Variants in PRKAR2B observed in about 807,000 individuals in gnomAD.
The protein encoded by PRKAR2B is cAMP-dependent protein kinase type II-beta regulatory subunit.
Under a neutral mutation model 49.9 loss-of-function variants are expected in PRKAR2B, and 14 were observed. That is an observed-to-expected ratio of 0.28 (90% CI 0.19 to 0.44). The LOEUF is 0.44. Among genes scored for constraint, PRKAR2B ranks in the 20% least tolerant of loss-of-function variants. The pLI, the probability that PRKAR2B is intolerant of heterozygous loss-of-function variation, is 1.00. For missense variants in PRKAR2B, 393 were observed against 537.9 expected (o/e 0.73, Z 2.67); for synonymous variants, 196 against 197.7 (o/e 0.99, Z 0.07).
chr7:107,132,383 A>T (rs1795619038), intron 4 of PRKAR2B, among the ~76,000 whole-genome samples: 1 of 152,210 alleles, frequency 6.6e-6, no homozygotes, highest in Admixed American at 6.5e-5. Flanking sequence ...CAGAGAATGT[A>T]ACTATCAGAT....
intron 8 of PRKAR2B, among the ~76,000 whole-genome samples, chr7:107,153,743 G>T (rs913378915): frequency 2.2e-4 from 33 of 152,268 alleles, no homozygotes; most frequent in African/African-American, 7.5e-4. Flanking sequence ...ATCCCAGCTG[G>T]AACCAATAAT....
intron 1 of PRKAR2B, among the ~76,000 whole-genome samples, chr7:107,059,938 C>T (rs1242440014): frequency 4.0e-5 from 6 of 151,876 alleles, no homozygotes; most frequent in Non-Finnish European, 7.4e-5. Context: ...TATGATATTG[C>T]GACAGATTGA....
chr7:107,095,155 A>G (rs1298414539), intron 2 of PRKAR2B, among the ~76,000 whole-genome samples: 1 of 152,102 alleles, frequency 6.6e-6, no homozygotes, highest in African/African-American at 2.4e-5. Flanking sequence ...ATGTTCTTCC[A>G]TTTGCTTGTG....
chr7:107,062,213 T>C (rs1243656753), intron 1 of PRKAR2B, among the ~76,000 whole-genome samples: 1 of 152,208 alleles, frequency 6.6e-6, no homozygotes, highest in Non-Finnish European at 1.5e-5. Context: ...AAAATGGTTG[T>C]AAACATATGC....
intron 4 of PRKAR2B, among the ~76,000 whole-genome samples, chr7:107,131,281 G>A (rs1795600516): frequency 6.6e-6 from 1 of 152,148 alleles, no homozygotes; most frequent in Non-Finnish European, 1.5e-5. Context: ...GCTTTCCTGG[G>A]ATGTTGTCTC....
intron 7 of PRKAR2B, among the ~76,000 whole-genome samples, chr7:107,151,474 A>G (rs916456969): frequency 6.6e-6 from 1 of 152,214 alleles, no homozygotes; most frequent in South Asian, 2.1e-4. Context: ...TTTTCAGGAT[A>G]CACTTATTCA....
At chr7:107,056,642 G>T (rs1793918232) in intron 1 of PRKAR2B, among the ~76,000 whole-genome samples, 1 of 152,166 alleles carries the variant, frequency 6.6e-6, no homozygotes. Context: ...AAGAATGCTT[G>T]TGATTTTTTC....
At chr7:107,067,717 A>G (rs1198354377) in intron 1 of PRKAR2B, among the ~76,000 whole-genome samples, 1 of 152,210 alleles carries the variant, frequency 6.6e-6, no homozygotes, top group Non-Finnish European at 1.5e-5. Flanking sequence ...GCATTGTACT[A>G]GGAATCCAAA....
chr7:107,122,105 A>T, intron 3 of PRKAR2B, 101 bp downstream of exon 3: 1 of 676,872 alleles, frequency 1.5e-6, no homozygotes, highest in Non-Finnish European at 2.4e-6. Context: ...GGTTAACAGG[A>T]GACATAATGG....
intron 2 of PRKAR2B, among the ~76,000 whole-genome samples, chr7:107,080,216 T>G (rs950626782): frequency 2.6e-5 from 4 of 151,966 alleles, no homozygotes; most frequent in Non-Finnish European, 5.9e-5. Flanking sequence ...GATGCCAGTG[T>G]GGGGAGCCAC....
At chr7:107,096,394 T>C (rs983503305) in intron 2 of PRKAR2B, among the ~76,000 whole-genome samples, 7 of 152,154 alleles carry the variant, frequency 4.6e-5, no homozygotes, top group African/African-American at 9.7e-5. Flanking sequence ...TCTTCTCTCT[T>C]TTATTCTTTG....
Position 107,044,854 on chromosome 7 carries a change from G to T in PRKAR2B, c.-54G>T, listed in dbSNP as rs1793656610. 2 of 1,494,992 alleles carry T rather than the reference G, an allele frequency of 1.3e-6. No homozygotes were observed. Among genetic ancestry groups the T allele is most frequent in the South Asian group, 1.3e-5 (1 of 79,226 alleles). 92.6% of individuals were successfully genotyped at this position (1,494,992 alleles called of 1,614,324 possible). On this transcript the variant is annotated 5_prime_UTR_variant, in exon 1 of 11. Transcript: ENST00000265717. ...CTCGGCAGCCGCGGGGCCCTAGGCC[G>T]TGCCGGGGAGGGGGCGAGGGCGGCG...
intron 5 of PRKAR2B, among the ~76,000 whole-genome samples, chr7:107,145,069 A>G (rs1795865898): frequency 6.6e-6 from 1 of 152,142 alleles, no homozygotes; most frequent in African/African-American, 2.4e-5. Context: ...GATAAGCACC[A>G]AAAAACTATA....
At chr7:107,120,129 AGAT>A (rs1160331551) in intron 2 of PRKAR2B, among the ~76,000 whole-genome samples, 1 of 152,144 alleles carries the variant, frequency 6.6e-6, no homozygotes, top group African/African-American at 2.4e-5. Context: ...AGGTTGAATG[AGAT>A]GATGTACTTT....
chr7:107,085,509 A>T (rs531698279), intron 2 of PRKAR2B, among the ~76,000 whole-genome samples: 20 of 152,336 alleles, frequency 1.3e-4, no homozygotes, highest in Admixed American at 3.3e-4. Flanking sequence ...TATGGTAAAA[A>T]AGTGAAGTAG....
chr7:107,157,813 TAG>T (rs1415733057), intron 10 of PRKAR2B, among the ~76,000 whole-genome samples: 3 of 152,140 alleles, frequency 2.0e-5, no homozygotes, highest in African/African-American at 7.2e-5. Context: ...TTTACCAGAG[TAG>T]CTTGGCAGAA....
intron 10 of PRKAR2B, among the ~76,000 whole-genome samples, chr7:107,157,630 A>G (rs1358295265): frequency 1.3e-5 from 2 of 152,350 alleles, no homozygotes; most frequent in Admixed American, 6.5e-5. Context: ...AACATGTGCT[A>G]TGTTCCTCAA....
chr7:107,111,198 A>G (rs1324971689), intron 2 of PRKAR2B, among the ~76,000 whole-genome samples: 1 of 151,896 alleles, frequency 6.6e-6, no homozygotes, highest in Non-Finnish European at 1.5e-5. Context: ...AAGGGGAGAG[A>G]AGAGTGGGAA....
At chr7:107,104,685 T>C (rs577884567) in intron 2 of PRKAR2B, among the ~76,000 whole-genome samples, 1 of 152,264 alleles carries the variant, frequency 6.6e-6, no homozygotes, top group East Asian at 1.9e-4. Context: ...CCTAAAACCT[T>C]GAGGGAGGAC....
Sources: allele counts gnomAD v4.1 joint callset (sites outside exome capture counted in the v4.1 genomes callset), GRCh38; gene constraint gnomAD v4.1.1; transcripts MANE v1.5; gene names NCBI Gene and HGNC (gene_info 2026-07-23, HGNC 2026-07-21).